PCDH7: variants seen among roughly 807,000 people sequenced by gnomAD.
PCDH7 encodes the protein protocadherin 7, also known as protocadherin-7.
PCDH7 carries 17 observed loss-of-function variants against 58.9 expected under a neutral mutation model. The observed-to-expected ratio is 0.29, with a 90% CI of 0.20 to 0.43. The LOEUF (loss-of-function observed/expected upper bound fraction) is 0.43, where lower values mean the gene tolerates loss of function less well. Ranked by LOEUF, PCDH7 falls within the 20% of genes least tolerant of loss-of-function variation. The pLI is 1.00. For synonymous variants in PCDH7, 664 were observed against 616.4 expected (o/e 1.08, Z -1.14); for missense variants, 1,274 against 1,441.0 (o/e 0.88, Z 1.88).
intron 3 of PCDH7, among the ~76,000 whole-genome samples, chr4:30,951,068 T>G (rs1019602646): frequency 6.6e-6 from 1 of 152,150 alleles, no homozygotes; most frequent in Non-Finnish European, 1.5e-5. Flanking sequence ...CTCTCTCAGG[T>G]TCTTTGAGAC....
chr4:30,763,818 T>G (rs1384492357), intron 1 of PCDH7, among the ~76,000 whole-genome samples: 1 of 152,210 alleles, frequency 6.6e-6, no homozygotes, highest in Non-Finnish European at 1.5e-5. Context: ...TATAAATACT[T>G]ACTTGCATTT....
chr4:31,079,281 T>C (rs1759268381), intron 3 of PCDH7, among the ~76,000 whole-genome samples: 1 of 113,576 alleles, frequency 8.8e-6, no homozygotes, highest in African/African-American at 3.5e-5. Context: ...AATGCCACAG[T>C]GTGTAAAAGA....
chr4:31,113,199 A>G (rs1716545898), intron 3 of PCDH7, among the ~76,000 whole-genome samples: 1 of 152,150 alleles, frequency 6.6e-6, no homozygotes, highest in Admixed American at 6.5e-5. Context: ...TTTTATTCCA[A>G]TGTTTCATTA....
intron 1 of PCDH7, among the ~76,000 whole-genome samples, chr4:30,916,469 G>T (rs754689907): frequency 2.0e-5 from 3 of 152,096 alleles, no homozygotes; most frequent in Non-Finnish European, 4.4e-5. Context: ...TCTCTGTCTT[G>T]CAGTACTTAT....
intron 3 of PCDH7, among the ~76,000 whole-genome samples, chr4:31,046,175 A>G (rs4348052): frequency 0.24 from 36,091 of 151,818 alleles, 4,554 homozygotes; most frequent in South Asian, 0.33. Flanking sequence ...TAAATAGTCC[A>G]GTCTAGGCCT....
At chr4:30,780,346 A>T (rs113512812) in intron 1 of PCDH7, among the ~76,000 whole-genome samples, 8,438 of 152,096 alleles carry the variant, frequency 0.055, 366 homozygotes, top group Non-Finnish European at 0.087. Flanking sequence ...ATCTCTACTA[A>T]AAATACAAAA....
chr4:31,146,419 T>C (rs1416087440), downstream of PCDH7: 1 of 151,956 alleles, frequency 6.6e-6, no homozygotes, highest in African/African-American at 2.4e-5. Flanking sequence ...ATAGTAAATC[T>C]TGTGAGTTGT....
At chr4:30,797,171 G>A (rs1724892748) in intron 1 of PCDH7, among the ~76,000 whole-genome samples, 1 of 150,874 alleles carries the variant, frequency 6.6e-6, no homozygotes, top group Non-Finnish European at 1.5e-5. Flanking sequence ...ATGTTGCTCA[G>A]GTGATCTGCC....
At chr4:31,034,355 T>C (rs1319343658) in intron 3 of PCDH7, among the ~76,000 whole-genome samples, 2 of 152,188 alleles carry the variant, frequency 1.3e-5, no homozygotes, top group East Asian at 3.8e-4. Context: ...TACCTAATTT[T>C]AAAAGGAAAT....
In PCDH7 at chr4:30,723,293, C is replaced by T. The variant is rs368505633; in HGVS notation, c.1871C>T (p.Thr624Met). 17 of 1,613,890 alleles carry T rather than the reference C, an allele frequency of 1.1e-5. No individual in the cohort carries two copies. Among genetic ancestry groups the T allele is most frequent in the Admixed American group, 1.7e-5 (1 of 59,992 alleles). Residue 624 changes from threonine (T) to methionine (M), a missense_variant, in exon 1 of 2, where the codon ACG becomes ATG. This residue lies in a region of PCDH7 where 731 missense variants were observed against 881.9 expected (regional missense o/e 0.83). Coordinates refer to ENST00000361762, the Ensembl canonical transcript of PCDH7. This position sits in a 1 kb window ranked among gnomAD's most constrained non-coding sequence, Gnocchi z 4.6. The stretch of plus-strand genomic sequence containing the variant: ...ATCCCCGTGCTGCAGGGCAGCACTA[C>T]GGTGATTGTGCAGGTGGCTGATAAA...
At chr4:30,839,384 T>C (rs1421393760) in intron 1 of PCDH7, among the ~76,000 whole-genome samples, 2 of 152,134 alleles carry the variant, frequency 1.3e-5, no homozygotes. Flanking sequence ...TATATAGCTA[T>C]TGTGTGTAAG....
chr4:30,732,967 C>G (rs778432956), exon 2 of PCDH7: 1 of 152,102 alleles, frequency 6.6e-6, no homozygotes, highest in Non-Finnish European at 1.5e-5. Context: ...AACAAAAAAT[C>G]TTTGAACACG....
At chr4:31,066,186 T>A (rs1758074206) in intron 3 of PCDH7, among the ~76,000 whole-genome samples, 1 of 151,912 alleles carries the variant, frequency 6.6e-6, no homozygotes, top group Admixed American at 6.6e-5. Flanking sequence ...GAGACAAAGC[T>A]ATTTTACTCT....
At chr4:30,902,167 C>T (rs1371361886) in intron 1 of PCDH7, among the ~76,000 whole-genome samples, 1 of 152,120 alleles carries the variant, frequency 6.6e-6, no homozygotes, top group African/African-American at 2.4e-5. Flanking sequence ...AAGGCTTTGC[C>T]TTTCTTCTTT....
At chr4:31,033,639 G>A (rs36069924) in intron 3 of PCDH7, among the ~76,000 whole-genome samples, 1 of 151,898 alleles carries the variant, frequency 6.6e-6, no homozygotes, top group African/African-American at 2.4e-5. Context: ...TACTTGCATA[G>A]ACAGTTTAAT....
chr4:31,072,173 G>A (rs1450726843), intron 3 of PCDH7, among the ~76,000 whole-genome samples: 5 of 152,142 alleles, frequency 3.3e-5, no homozygotes, highest in Non-Finnish European at 7.4e-5. Flanking sequence ...TCAATGAAGG[G>A]CTTTTCTGGG....
intron 3 of PCDH7, among the ~76,000 whole-genome samples, chr4:31,105,031 G>A (rs1227322761): frequency 6.6e-6 from 1 of 152,096 alleles, no homozygotes; most frequent in African/African-American, 2.4e-5. Context: ...TTAATAAAAT[G>A]GAAAACGGCT....
chr4:30,907,843 A>C (rs537705788), intron 1 of PCDH7, among the ~76,000 whole-genome samples: 1 of 152,314 alleles, frequency 6.6e-6, no homozygotes. Flanking sequence ...AAGACTTGAA[A>C]CCAATCCAAA....
At chr4:31,030,675 G>A (rs1271560481) in intron 3 of PCDH7, among the ~76,000 whole-genome samples, 1 of 152,144 alleles carries the variant, frequency 6.6e-6, no homozygotes, top group Non-Finnish European at 1.5e-5. Flanking sequence ...AATTTGTTTA[G>A]TAATGAACTT....
Sources: gnomAD v4.1 joint callset for allele counts (sites outside exome capture counted in the v4.1 genomes callset) on GRCh38, gnomAD v4.1.1 for gene constraint, gnomAD v4.1.1 regional missense constraint, Gnocchi (gnomAD v3.1) non-coding constraint, MANE v1.5 for transcripts, NCBI Gene and HGNC (gene_info 2026-07-23, HGNC 2026-07-21) for gene names.